Variants in GPHN observed in about 807,000 individuals in gnomAD.
The protein encoded by GPHN is gephyrin.
In GPHN, 17 loss-of-function variants were observed where a neutral mutation model predicts 95.5. That is an observed-to-expected ratio of 0.18 (90% CI 0.12 to 0.27). The LOEUF is 0.27. Ranked by LOEUF, GPHN falls within the 10% of genes least tolerant of loss-of-function variation. The pLI is 1.00. For missense variants in GPHN, 660 were observed against 978.1 expected, an observed-to-expected ratio of 0.67 and a Z score of 4.34; for synonymous variants, 320 against 322.5, an observed-to-expected ratio of 0.99 and a Z score of 0.08.
chr14:67,580,856 T>C, the GPHN span: 12 of 895,320 alleles, frequency 1.3e-5, no homozygotes, highest in Non-Finnish European at 2.0e-5. Context: ...GCTCTTCTGC[T>C]CTGAGTCCAG....
the GPHN span, chr14:67,200,043 C>A: frequency 1.1e-6 from 1 of 926,314 alleles, no homozygotes; most frequent in Non-Finnish European, 1.6e-6. Context: ...GACACCCAGG[C>A]TCTGGGGGAC....
chr14:66,845,782 T>A (rs1430976558), intron 4 of GPHN, among the ~76,000 whole-genome samples: 4 of 151,490 alleles, frequency 2.6e-5, no homozygotes, highest in Admixed American at 2.6e-4. Flanking sequence ...TTCAGTAGGT[T>A]TGGAATTCGG....
At chr14:66,890,474 T>G (rs1165924551) in intron 5 of GPHN, among the ~76,000 whole-genome samples, 1 of 151,722 alleles carries the variant, frequency 6.6e-6, no homozygotes, top group Non-Finnish European at 1.5e-5. Context: ...ACCAGTTGGC[T>G]TCACTGATGA....
intron 18 of GPHN, among the ~76,000 whole-genome samples, chr14:67,147,921 T>C (rs1374158224): frequency 6.6e-6 from 1 of 152,176 alleles, no homozygotes; most frequent in East Asian, 1.9e-4. Flanking sequence ...TTTCTTTTTA[T>C]AGATGAAAAC....
At chr14:67,405,565 A>C in the GPHN span, among the ~76,000 whole-genome samples, 1 of 152,188 alleles carries the variant, frequency 6.6e-6, no homozygotes, top group African/African-American at 2.4e-5. Flanking sequence ...ACAGCCTTGC[A>C]TAGTCTCCTT....
intron 11 of GPHN, among the ~76,000 whole-genome samples, chr14:67,062,380 T>G (rs2075859001): frequency 1.3e-5 from 2 of 152,242 alleles, no homozygotes; most frequent in Admixed American, 1.3e-4. Context: ...CTGCAAACAC[T>G]CTAACACCTG....
At chr14:66,801,957 C>T (rs1448103881) in intron 3 of GPHN, among the ~76,000 whole-genome samples, 3 of 152,168 alleles carry the variant, frequency 2.0e-5, no homozygotes, top group Non-Finnish European at 4.4e-5. Context: ...CTGCTAGAAC[C>T]ACTTTCTGGC....
At chr14:67,087,773 C>G (rs1374468415) in intron 11 of GPHN, among the ~76,000 whole-genome samples, 1 of 152,144 alleles carries the variant, frequency 6.6e-6, no homozygotes, top group Non-Finnish European at 1.5e-5. Context: ...CTCACTTATC[C>G]AGCTCCGGAA....
chr14:66,801,952 A>G (rs917466085), intron 3 of GPHN, among the ~76,000 whole-genome samples: 6 of 151,892 alleles, frequency 4.0e-5, no homozygotes, highest in South Asian at 4.2e-4. Flanking sequence ...AAGTCCTGCT[A>G]GAACCACTTT....
chr14:67,374,440 A>G, the GPHN span: 1 of 1,487,858 alleles, frequency 6.7e-7, no homozygotes, highest in East Asian at 2.3e-5. Context: ...CTGGACAGAG[A>G]TGATTTTTTC....
At chr14:67,580,892 C>T in the GPHN span, 13 of 1,280,106 alleles carry the variant, frequency 1.0e-5, no homozygotes, top group African/African-American at 1.3e-4. Context: ...GATCCCTTCT[C>T]TCCTTATCAG....
At chr14:66,849,443 T>C (rs2062485117) in intron 4 of GPHN, among the ~76,000 whole-genome samples, 1 of 152,072 alleles carries the variant, frequency 6.6e-6, no homozygotes, top group South Asian at 2.1e-4. Flanking sequence ...AGTTTCATAT[T>C]ACATATTGCT....
chr14:67,184,101 A>G (rs113452842), downstream of GPHN, among the ~76,000 whole-genome samples: 467 of 152,286 alleles, frequency 3.1e-3, 5 homozygotes, highest in African/African-American at 0.011. Context: ...CTGGAGTTAC[A>G]GGCATGAGCC....
chr14:67,708,256 AAGTT>A, the GPHN span, among the ~76,000 whole-genome samples: 1 of 152,224 alleles, frequency 6.6e-6, no homozygotes, highest in East Asian at 1.9e-4. Context: ...TTTAAGCAAA[AAGTT>A]AAAAATATTA....
intron 1 of GPHN, among the ~76,000 whole-genome samples, chr14:66,568,551 CAG>C (rs149100999): frequency 0.039 from 5,988 of 152,074 alleles, 168 homozygotes; most frequent in Middle Eastern, 0.065. Context: ...TATTCAGTCT[CAG>C]AAGAAATTTT....
At chr14:67,718,437 T>C in the GPHN span, among the ~76,000 whole-genome samples, 1 of 152,232 alleles carries the variant, frequency 6.6e-6, no homozygotes. Context: ...TGCTAGATGA[T>C]TTATGACCAA....
At chr14:67,404,392 G>A in the GPHN span, among the ~76,000 whole-genome samples, 1 of 152,198 alleles carries the variant, frequency 6.6e-6, no homozygotes, top group Non-Finnish European at 1.5e-5. Context: ...GGAGGCTGAG[G>A]CAGGAGGATT....
At chr14:66,939,951 A>G (rs964983908) in intron 8 of GPHN, among the ~76,000 whole-genome samples, 1 of 152,118 alleles carries the variant, frequency 6.6e-6, no homozygotes, top group Middle Eastern at 3.2e-3. Flanking sequence ...ATCAAAATGA[A>G]ACAAGGGGCA....
the GPHN span, among the ~76,000 whole-genome samples, chr14:67,235,559 C>CA: frequency 2.6e-5 from 4 of 151,926 alleles, no homozygotes; most frequent in Admixed American, 1.3e-4. Flanking sequence ...ACTAAAAATA[C>CA]AAAAAATTAA....
Sources: gnomAD v4.1 joint callset for allele counts (sites outside exome capture counted in the v4.1 genomes callset) on GRCh38, gnomAD v4.1.1 for gene constraint, MANE v1.5 for transcripts, NCBI Gene and HGNC (gene_info 2026-07-23, HGNC 2026-07-21) for gene names.